The following CRYBG1 variants were observed in gnomAD, a reference collection of about 807,000 sequenced individuals.
CRYBG1 encodes crystallin beta-gamma domain containing 1.
CRYBG1 carries 139 observed loss-of-function variants against 189.2 expected under a neutral mutation model. The observed-to-expected ratio is 0.73, with a 90% CI of 0.64 to 0.85. The LOEUF (loss-of-function observed/expected upper bound fraction) is 0.85. CRYBG1 is among the 40% of genes least tolerant of loss of function. The pLI is 0.00. For synonymous variants in CRYBG1, 1,023 were observed against 1,017.1 expected, an observed-to-expected ratio of 1.01 and a Z score of -0.11; for missense variants, 2,611 against 2,675.8, an observed-to-expected ratio of 0.98 and a Z score of 0.53.
At chr6:106,375,421 G>A (rs60068945) in intron 1 of CRYBG1, among the ~76,000 whole-genome samples, 6,937 of 125,168 alleles carry the variant, frequency 0.055, 274 homozygotes, top group East Asian at 0.14. Flanking sequence ...AAGTAAGTAA[G>A]TAAATAAATA....
In CRYBG1 at chr6:106,515,792, T is replaced by TATTA. The variant is rs1773405155; in HGVS notation, c.1922+2756_1922+2757insAATT. 2.7e-5 allele frequency among the ~76,000 whole-genome samples: 4 copies of TATTA among 146,466 alleles called. No individual in the cohort carries two copies. The South Asian group carries it at 6.3e-4, about 23-fold the overall frequency. On this transcript the variant is annotated intron_variant, in intron 3 of 21. Transcript: ENST00000633556. ...TTATTTATTTATTTATTTATTTATT[T>TATTA]ATTTATTTATTTATTTTTGAGACAG... is the stretch of plus-strand genomic sequence containing the variant.
At chr6:106,498,897 A>G (rs1270259477) in intron 2 of CRYBG1, among the ~76,000 whole-genome samples, 1 of 151,992 alleles carries the variant, frequency 6.6e-6, no homozygotes, top group Non-Finnish European at 1.5e-5. Context: ...ATAAATATAG[A>G]GGTATATTTA....
chr6:106,418,712 C>T (rs1259205651), intron 1 of CRYBG1, among the ~76,000 whole-genome samples: 2 of 152,094 alleles, frequency 1.3e-5, no homozygotes, highest in East Asian at 3.9e-4. Flanking sequence ...CAATGTTATT[C>T]GTCTGGGGTA....
intron 1 of CRYBG1, among the ~76,000 whole-genome samples, chr6:106,415,793 A>G (rs1771010882): frequency 6.6e-6 from 1 of 152,028 alleles, no homozygotes; most frequent in Non-Finnish European, 1.5e-5. Flanking sequence ...TGAACATATG[A>G]CAGGCATTCA....
chr6:106,538,884 G>T (rs1164873347), intron 8 of CRYBG1, among the ~76,000 whole-genome samples: 1 of 87,184 alleles, frequency 1.1e-5, no homozygotes, highest in African/African-American at 4.3e-5. Context: ...GACAGAACAA[G>T]ACTCCGTCAA....
rs961828283 is a variant in CRYBG1 at position 106,361,059 on chromosome 6, C to T, written c.151C>T (p.Pro51Ser). ...TGGGGTGTTCGTTCCGCACCCGCTCCCGGCGCCTGCCGGAGAGGCCAGGTG... is the reference window on the plus strand; with the variant it reads ...TGGGGTGTTCGTTCCGCACCCGCTCTCGGCGCCTGCCGGAGAGGCCAGGTG... The part of the protein sequence containing the change: ...DCGVFVPHPL[P>S]APAGEARALD... Residue 51 changes from proline (P) to serine (S), a missense_variant, in exon 1 of 22, where the codon CCG becomes TCG. Pro to Ser is a moderately conservative substitution (Grantham distance 74). Coordinates refer to ENST00000633556, the MANE Select transcript of CRYBG1 (RefSeq NM_001371242.2). 2.0e-6 allele frequency: 3 copies of T among 1,534,986 alleles called. No homozygotes were observed. Among genetic ancestry groups the T allele is most frequent in the Non-Finnish European group, 2.6e-6 (3 of 1,146,586 alleles).
chr6:106,520,797 A>G lies in CRYBG1; in HGVS notation c.3589A>G (p.Ser1197Gly), dbSNP rs778824046. 6.2e-7 allele frequency: 1 copy of G among 1,614,196 alleles called. No individual in the cohort carries two copies. The highest frequency in any genetic ancestry group is 1.7e-5 in the Admixed American group (1 of 60,016). Residue 1197 changes from serine (S) to glycine (G), a missense_variant, in exon 4 of 22, where the codon AGC becomes GGC. By Grantham distance (56) the Ser-to-Gly change is moderately conservative. Transcript: ENST00000633556. ...LRPKRASAEQ[S>G]VLFKSLHTNT... is the part of the protein sequence containing the mutation. ...ACCCAAACGTGCATCTGCTGAACAGAGCGTCCTCTTCAAGTCCCTGCACAC... is the reference window on the plus strand; with the variant it reads ...ACCCAAACGTGCATCTGCTGAACAGGGCGTCCTCTTCAAGTCCCTGCACAC...
intron 8 of CRYBG1, among the ~76,000 whole-genome samples, chr6:106,532,667 A>T (rs1773904460): frequency 6.6e-6 from 1 of 152,176 alleles, no homozygotes; most frequent in African/African-American, 2.4e-5. Flanking sequence ...AGTGATGTTG[A>T]ACATTTTTTC....
intron 1 of CRYBG1, among the ~76,000 whole-genome samples, chr6:106,413,929 T>A (rs1178762589): frequency 1.9e-4 from 29 of 152,180 alleles, no homozygotes; most frequent in Admixed American, 1.8e-3. Context: ...AAGGAACAAA[T>A]TGTACCAGAC....
At chr6:106,412,710 C>T (rs1770951788) in intron 1 of CRYBG1, among the ~76,000 whole-genome samples, 1 of 152,062 alleles carries the variant, frequency 6.6e-6, no homozygotes, top group African/African-American at 2.4e-5. Flanking sequence ...AGTTGGGAAA[C>T]ATTAAAACAA....
intron 1 of CRYBG1, among the ~76,000 whole-genome samples, chr6:106,369,964 G>T (rs1477406607): frequency 6.6e-6 from 1 of 152,158 alleles, no homozygotes; most frequent in Non-Finnish European, 1.5e-5. Context: ...GTTAATCACT[G>T]CAGGTAAATC....
Position 106,525,082 on chromosome 6 carries a change from C to T in CRYBG1, c.4246-51C>T, listed in dbSNP as rs763050217. The T allele has an allele frequency of 4.4e-6, 7 of 1,584,780 alleles. No homozygotes were observed. In the Admixed American group the frequency reaches 6.7e-5, roughly 15 times the overall value. ...AGGATCGTGGGTGGAAAAAGAGGAT[C>T]GTTATGTGAAGTTGTAATTATTTGT... On this transcript the variant is annotated intron_variant, in intron 4 of 21. Transcript: ENST00000633556.
chr6:106,527,818 C>G (rs1353475202), intron 7 of CRYBG1, among the ~76,000 whole-genome samples: 4 of 151,976 alleles, frequency 2.6e-5, no homozygotes, highest in Admixed American at 2.0e-4. Flanking sequence ...GTTCTGATTA[C>G]TTTGAGTGGT....
At chr6:106,378,057 A>C (rs1770206171) in intron 1 of CRYBG1, among the ~76,000 whole-genome samples, 1 of 152,156 alleles carries the variant, frequency 6.6e-6, no homozygotes, top group Non-Finnish European at 1.5e-5. Flanking sequence ...GCTCCCTTGA[A>C]GCCATGTATG....
intron 20 of CRYBG1, among the ~76,000 whole-genome samples, chr6:106,562,368 T>C (rs565909151): frequency 2.0e-5 from 3 of 152,236 alleles, no homozygotes; most frequent in Non-Finnish European, 4.4e-5. Context: ...GAAAATGGTG[T>C]CTTTCAGCAG....
chr6:106,411,201 C>A (rs1402949419), intron 1 of CRYBG1, among the ~76,000 whole-genome samples: 1 of 152,136 alleles, frequency 6.6e-6, no homozygotes. Context: ...TTGAAACATG[C>A]TTTCTACCAC....
chr6:106,530,428 TTAA>T (rs1376757083), intron 8 of CRYBG1, 113 bp downstream of exon 8: 1 of 1,048,346 alleles, frequency 9.5e-7, no homozygotes, highest in Non-Finnish European at 1.4e-6. Flanking sequence ...TAAGTAATTA[TTAA>T]CTGTAAGGTA....
At position 106,360,817 on chromosome 6, in the gene CRYBG1, G is replaced by T; in HGVS notation, c.-92G>T. 7.3e-7 allele frequency: 1 copy of T among 1,373,122 alleles called. No individual in the cohort carries two copies. Among genetic ancestry groups the T allele is most frequent in the Non-Finnish European group, 9.5e-7 (1 of 1,055,860 alleles). 85.1% of individuals were successfully genotyped at this position (1,373,122 alleles called of 1,614,324 possible). A position where few individuals can be genotyped will look rare whatever the true frequency, so the allele number is the denominator to read the frequency against. Reference sequence around the variant, plus strand: ...GGTCCCACGGCGCGCTGAGAAAGGCGGGCGAGCTGGCGCTCAGGTGTGTTC... The same window carrying T: ...GGTCCCACGGCGCGCTGAGAAAGGCTGGCGAGCTGGCGCTCAGGTGTGTTC... On this transcript the variant is annotated 5_prime_UTR_variant, in exon 1 of 22. Transcript: ENST00000633556.
chr6:106,476,203 T>C (rs1772331551), intron 2 of CRYBG1, among the ~76,000 whole-genome samples: 1 of 152,186 alleles, frequency 6.6e-6, no homozygotes, highest in Non-Finnish European at 1.5e-5. Flanking sequence ...GGGACATGTC[T>C]TTAGCCCCAG....
Sources: gnomAD v4.1 joint callset for allele counts (sites outside exome capture counted in the v4.1 genomes callset) on GRCh38, gnomAD v4.1.1 for gene constraint, MANE v1.5 for transcripts, NCBI Gene and HGNC (gene_info 2026-07-23, HGNC 2026-07-21) for gene names.